Variants in AGO2 observed in about 807,000 individuals in gnomAD.
The protein encoded by AGO2 is argonaute RISC catalytic component 2, also known as protein argonaute-2.
In AGO2, 5 loss-of-function variants were observed where a neutral mutation model predicts 102.3. The observed-to-expected ratio is 0.05, with a 90% confidence interval of 0.03 to 0.10. AGO2 has a LOEUF of 0.10. Among genes scored for constraint, AGO2 ranks in the 10% least tolerant of loss-of-function variants. The probability of loss-of-function intolerance (pLI) is 1.00; values close to 1 mark genes in which losing one functional copy is unlikely to be tolerated. For synonymous variants in AGO2, 449 were observed against 473.1 expected, an observed-to-expected ratio of 0.95 and a Z score of 0.66; for missense variants, 541 against 1,183.7, an observed-to-expected ratio of 0.46 and a Z score of 7.97.
rs993804739 is a variant in AGO2 at position 140,567,718 on chromosome 8, C to A, written c.337-5084G>T. On this transcript the variant is annotated intron_variant, in intron 3 of 18. Transcript: ENST00000220592. This position sits in a 1 kb window ranked among gnomAD's most constrained non-coding sequence, Gnocchi z 5.0. ...AATCTCCCCAGACAAGCCAAACCCG[C>A]AGGCTGGCCTCCCTGTCCGGAAATC... Among the ~76,000 whole-genome samples the A allele has an allele frequency of 1.0e-3, 155 of 152,216 alleles. No homozygotes were observed. The highest frequency in any genetic ancestry group is 3.6e-3 in the African/African-American group (149 of 41,456).
chr8:140,563,069 T>C (rs1055738413), intron 3 of AGO2, among the ~76,000 whole-genome samples: 6 of 152,156 alleles, frequency 3.9e-5, no homozygotes, highest in Non-Finnish European at 8.8e-5. Flanking sequence ...CTGGCCCTCA[T>C]ACCTCCAAAT....
chr8:140,619,674 G>C (rs73364314), intron 1 of AGO2, among the ~76,000 whole-genome samples: 2 of 152,214 alleles, frequency 1.3e-5, no homozygotes, highest in African/African-American at 2.4e-5. Flanking sequence ...TGAGGGCTGC[G>C]GTCAGAAAGT....
intron 1 of AGO2, among the ~76,000 whole-genome samples, chr8:140,611,256 C>T (rs368499434): frequency 6.6e-6 from 1 of 152,192 alleles, no homozygotes; most frequent in Non-Finnish European, 1.5e-5. Flanking sequence ...GGGGACGAAG[C>T]CAGCCTACCT....
chr8:140,620,721 T>G (rs1225800644), intron 1 of AGO2, among the ~76,000 whole-genome samples: 1 of 151,828 alleles, frequency 6.6e-6, no homozygotes, highest in Non-Finnish European at 1.5e-5. Context: ...ACAAAAAAAT[T>G]AGCCAGGCAT....
chr8:140,552,947 G>A (rs1799701409), intron 10 of AGO2, among the ~76,000 whole-genome samples: 1 of 152,162 alleles, frequency 6.6e-6, no homozygotes, highest in East Asian at 1.9e-4. Context: ...AATCATCCCT[G>A]GTCGAGAACT....
chr8:140,533,549 G>A (rs2072640515), intron 17 of AGO2, among the ~76,000 whole-genome samples: 1 of 152,162 alleles, frequency 6.6e-6, no homozygotes, highest in Non-Finnish European at 1.5e-5. Flanking sequence ...GATCATGCCT[G>A]TAATCCCAGC....
intron 1 of AGO2, among the ~76,000 whole-genome samples, chr8:140,601,830 C>T (rs916338524): frequency 6.6e-6 from 1 of 152,136 alleles, no homozygotes; most frequent in Non-Finnish European, 1.5e-5. Flanking sequence ...ATATTTTCTA[C>T]CCCTAGGTTA....
rs2072542801 is a variant in AGO2, at chr8:140,528,761, A to G, written c.*3283T>C. The G allele has an allele frequency of 6.6e-6, 1 of 152,356 alleles. No homozygotes were observed. Among genetic ancestry groups the G allele is most frequent in the African/African-American group, 2.4e-5 (1 of 41,584 alleles). The allele number at this position is 152,356 out of a possible 1,614,324, so 9.4% of individuals were successfully genotyped here. A position where few individuals can be genotyped will look rare whatever the true frequency, so the allele number is the denominator to read the frequency against. On this transcript the variant is annotated 3_prime_UTR_variant, in exon 19 of 19. Coordinates refer to ENST00000220592, the MANE Select transcript of AGO2 (RefSeq NM_012154.5). This position sits in a 1 kb window ranked among gnomAD's most constrained non-coding sequence, Gnocchi z 4.5. The stretch of plus-strand genomic sequence containing the variant: ...AAGTACAGCTATGCCCAGTTTTACA[A>G]AATTTATCCAAACCAGGAAAATCTG...
In AGO2 at chr8:140,557,285, C is replaced by A; in HGVS notation, c.879-49G>T. Reference sequence around the variant, plus strand: ...GGCCGAGGGCATCCCGGAGCCCCTTCCCCTGCGCTGCTTTTCATTTGCGTT... The same window carrying A: ...GGCCGAGGGCATCCCGGAGCCCCTTACCCTGCGCTGCTTTTCATTTGCGTT... On this transcript the variant is annotated intron_variant, in intron 7 of 18. Coordinates refer to ENST00000220592, the MANE Select transcript of AGO2 (RefSeq NM_012154.5). This position sits in a 1 kb window ranked among gnomAD's most constrained non-coding sequence, Gnocchi z 5.9. 6.5e-7 allele frequency: 1 copy of A among 1,548,802 alleles called. No individual in the cohort carries two copies. The highest frequency in any genetic ancestry group is 8.7e-7 in the Non-Finnish European group (1 of 1,147,394).
intron 1 of AGO2, among the ~76,000 whole-genome samples, chr8:140,604,097 G>C (rs2073963647): frequency 6.6e-6 from 1 of 152,248 alleles, no homozygotes; most frequent in African/African-American, 2.4e-5. Context: ...TGCAGCCCCA[G>C]CAGCCCCGGA....
chr8:140,546,290 G>A lies in AGO2; in HGVS notation c.1748+1178C>T, dbSNP rs117943907. Among the ~76,000 whole-genome samples the A allele has an allele frequency of 4.9e-4, 74 of 152,312 alleles. No individual in the cohort carries two copies. In the East Asian group the frequency reaches 0.011, roughly 23 times the overall value. On this transcript the variant is annotated intron_variant, in intron 13 of 18. Transcript: ENST00000220592. Reference sequence around the variant, plus strand: ...AATTCAACGGACTGTTTCTGGGTGCGTGTAACTCGGTAGCTCTCAAAACCT... The same window carrying A: ...AATTCAACGGACTGTTTCTGGGTGCATGTAACTCGGTAGCTCTCAAAACCT...
chr8:140,582,440 G>A (rs963331098), intron 2 of AGO2, among the ~76,000 whole-genome samples: 10 of 152,130 alleles, frequency 6.6e-5, no homozygotes, highest in Admixed American at 1.3e-4. Flanking sequence ...ACTGGTAAGC[G>A]TAACGGAAAT....
chr8:140,594,837 G>A lies in AGO2; in HGVS notation c.23-9526C>T, dbSNP rs190960665. ...GGAAAGAAAAAAACTGTGTGTGTGT[G>A]TGTGTGTGTGTGTGTGTATTTCTCT... On this transcript the variant is annotated intron_variant, in intron 1 of 18. Transcript: ENST00000220592. Among the ~76,000 whole-genome samples, 18 of 151,862 alleles carry A rather than the reference G, an allele frequency of 1.2e-4. No individual in the cohort carries two copies. In the East Asian group the frequency reaches 2.7e-3, roughly 23 times the overall value.
At chr8:140,609,471 GGCCC>G (rs1228980688) in intron 1 of AGO2, among the ~76,000 whole-genome samples, 2 of 152,178 alleles carry the variant, frequency 1.3e-5, no homozygotes, top group African/African-American at 4.8e-5. Flanking sequence ...TCGGCACGGC[GGCCC>G]GCCCATCACC....
At chr8:140,628,396 T>C (rs1421319792) in intron 1 of AGO2, among the ~76,000 whole-genome samples, 1 of 151,082 alleles carries the variant, frequency 6.6e-6, no homozygotes, top group Non-Finnish European at 1.5e-5. Context: ...CGTGTGTGTG[T>C]GCGTGTGTGT....
chr8:140,612,791 T>C (rs6998901), intron 1 of AGO2, among the ~76,000 whole-genome samples: 75,578 of 151,852 alleles, frequency 0.5, 18,797 homozygotes, highest in Middle Eastern at 0.52. Flanking sequence ...TTTTCGAGTT[T>C]TGGTGTAGTA....
At chr8:140,543,176 CA>C (rs138808574) in intron 14 of AGO2, among the ~76,000 whole-genome samples, 24,728 of 147,364 alleles carry the variant, frequency 0.17, 2,566 homozygotes, top group African/African-American at 0.3. Flanking sequence ...ATAGAAACAA[CA>C]AAAAAAAACC....
rs2072394991 is a variant in AGO2, at chr8:140,520,338, T to G, written c.*11706A>C. ...AAAACACTATGCCAAACTTTTAGTA[T>G]TAGTTTATATACACACAGTAAGAAA... is the stretch of plus-strand genomic sequence containing the variant. On this transcript the variant is annotated 3_prime_UTR_variant, in exon 19 of 19. Coordinates refer to ENST00000220592, the MANE Select transcript of AGO2 (RefSeq NM_012154.5). The G allele has an allele frequency of 2.6e-5, 4 of 152,230 alleles. No individual in the cohort carries two copies. The highest frequency in any genetic ancestry group is 2.0e-4 in the Admixed American group (3 of 15,290). 9.4% of individuals were successfully genotyped at this position (152,230 alleles called of 1,614,324 possible). A position where few individuals can be genotyped will look rare whatever the true frequency, so the allele number is the denominator to read the frequency against.
At chr8:140,624,362 G>A (rs758520840) in intron 1 of AGO2, among the ~76,000 whole-genome samples, 1 of 152,210 alleles carries the variant, frequency 6.6e-6, no homozygotes, top group African/African-American at 2.4e-5. Flanking sequence ...CGCACCTCAG[G>A]GCACAGAGCC....
Sources: allele counts gnomAD v4.1 joint callset (sites outside exome capture counted in the v4.1 genomes callset), GRCh38; gene constraint gnomAD v4.1.1; non-coding constraint Gnocchi (gnomAD v3.1); transcripts MANE v1.5; gene names NCBI Gene and HGNC (gene_info 2026-07-23, HGNC 2026-07-21).